Variants in JARID2 observed in about 807,000 individuals in gnomAD.
JARID2 encodes jumonji and AT-rich interaction domain containing 2.
In JARID2, 21 loss-of-function variants were observed where a neutral mutation model predicts 125.6. That is an observed-to-expected ratio of 0.17 (90% CI 0.12 to 0.24). JARID2 has a LOEUF of 0.24. JARID2 is among the 10% of genes least tolerant of loss of function. The pLI, the probability that JARID2 is intolerant of heterozygous loss-of-function variation, is 1.00. For missense variants in JARID2, 1,303 were observed against 1,639.6 expected (o/e 0.79, Z 3.55); for synonymous variants, 736 against 661.6 (o/e 1.11, Z -1.73).
intron 2 of JARID2, among the ~76,000 whole-genome samples, chr6:15,389,280 C>T (rs1764911807): frequency 1.3e-5 from 2 of 152,156 alleles, no homozygotes; most frequent in South Asian, 2.1e-4. Context: ...CCACCTCAGC[C>T]GCCTGAGTGG....
chr6:15,322,077 G>C (rs558761402), intron 1 of JARID2, among the ~76,000 whole-genome samples: 1 of 152,106 alleles, frequency 6.6e-6, no homozygotes, highest in African/African-American at 2.4e-5. Flanking sequence ...GAGCTACCGC[G>C]CCCGGCCTGG....
At chr6:15,410,119 C>T in intron 2 of JARID2, 105 bp from the exon 3 acceptor site, 1 of 1,045,420 alleles carries the variant, frequency 9.6e-7, no homozygotes, top group Admixed American at 2.4e-5. Flanking sequence ...CTCTTCTATC[C>T]ACATTCTTGT....
intron 3 of JARID2, among the ~76,000 whole-genome samples, chr6:15,441,922 T>G (rs1274813393): frequency 6.6e-6 from 1 of 152,040 alleles, no homozygotes; most frequent in Non-Finnish European, 1.5e-5. Context: ...CTCCTGAGTA[T>G]CTGGGATTAC....
intron 1 of JARID2, among the ~76,000 whole-genome samples, chr6:15,316,012 C>CT (rs146136045): frequency 2.5e-4 from 37 of 148,926 alleles, no homozygotes; most frequent in South Asian, 4.3e-4. Flanking sequence ...GTCCTGCTTC[C>CT]TTTTTTTTTT....
intron 1 of JARID2, among the ~76,000 whole-genome samples, chr6:15,273,266 T>C (rs1041291661): frequency 6.6e-6 from 1 of 152,224 alleles, no homozygotes; most frequent in African/African-American, 2.4e-5. Flanking sequence ...TCTGTAAACA[T>C]ACCCTGAATT....
At chr6:15,517,116 G>C in intron 16 of JARID2, 45 bp from the exon 17 acceptor site, 2 of 1,459,328 alleles carry the variant, frequency 1.4e-6, no homozygotes, top group Non-Finnish European at 1.9e-6. Flanking sequence ...CCAGGGCGCT[G>C]TGGAGCTGCC....
chr6:15,320,395 G>C (rs1455123635), intron 1 of JARID2, among the ~76,000 whole-genome samples: 1 of 152,212 alleles, frequency 6.6e-6, no homozygotes, highest in Non-Finnish European at 1.5e-5. Context: ...GTAAGTGTGA[G>C]AATAGAAAAA....
intron 1 of JARID2, among the ~76,000 whole-genome samples, chr6:15,306,894 CATT>C (rs1399099781): frequency 6.8e-6 from 1 of 147,654 alleles, no homozygotes. Context: ...ATATTAATTA[CATT>C]ATTATATATA....
At chr6:15,442,210 A>T (rs1767478118) in intron 3 of JARID2, among the ~76,000 whole-genome samples, 1 of 151,744 alleles carries the variant, frequency 6.6e-6, no homozygotes, top group Non-Finnish European at 1.5e-5. Flanking sequence ...GGCAATTTGC[A>T]GTTGGGTGTT....
At position 15,433,450 on chromosome 6, in the gene JARID2, G is replaced by GTGTGTGTGTA. The variant is rs1265838976; in HGVS notation, c.324-18555_324-18554insGTGTGTGTAT. Reference sequence around the variant, plus strand: ...TGTGTGTGTGTGTGTGTGTGTGTGTGTATAATTTCAGTTTAGGCAGTCGCT... The same window carrying GTGTGTGTGTA: ...TGTGTGTGTGTGTGTGTGTGTGTGTGTGTGTGTGTATATAATTTCAGTTTAGGCAGTCGCT... On this transcript the variant is annotated intron_variant, in intron 3 of 17. Transcript: ENST00000341776. Among the ~76,000 whole-genome samples, 4 of 145,610 alleles carry GTGTGTGTGTA rather than the reference G, an allele frequency of 2.7e-5. No individual in the cohort carries two copies. In the Admixed American group the frequency reaches 2.8e-4, roughly 10 times the overall value.
At chr6:15,412,946 G>GT (rs1409378469) in intron 3 of JARID2, among the ~76,000 whole-genome samples, 4 of 142,746 alleles carry the variant, frequency 2.8e-5, no homozygotes, top group Non-Finnish European at 6.1e-5. Context: ...ACAGATGCTG[G>GT]TTTTTTTACT....
intron 1 of JARID2, among the ~76,000 whole-genome samples, chr6:15,329,573 T>C (rs1477545299): frequency 6.6e-6 from 1 of 152,234 alleles, no homozygotes; most frequent in East Asian, 1.9e-4. Context: ...AATGTCTCCC[T>C]TTCATGAATG....
chr6:15,329,856 G>A (rs550946825), intron 1 of JARID2, among the ~76,000 whole-genome samples: 2 of 152,262 alleles, frequency 1.3e-5, no homozygotes, highest in Admixed American at 6.5e-5. Flanking sequence ...TCTGGGCAGT[G>A]ACTTTTGTTG....
At chr6:15,450,187 G>A (rs1430389643) in intron 3 of JARID2, among the ~76,000 whole-genome samples, 1 of 151,884 alleles carries the variant, frequency 6.6e-6, no homozygotes, top group South Asian at 2.1e-4. Flanking sequence ...TATTATTTTT[G>A]AGACGGAGTT....
At position 15,520,474 on chromosome 6, in the gene JARID2, T is replaced by TC; in HGVS notation, c.*224dup. ...TCAGATTTTGGAAACTGCCGTATAG[T>TC]CACTGTTTTAAAAACCCCGGAGGGG... On this transcript the variant is annotated 3_prime_UTR_variant, in exon 18 of 18. Coordinates refer to ENST00000341776, the MANE Select transcript of JARID2 (RefSeq NM_004973.4). 2.3e-6 allele frequency: 1 copy of TC among 439,936 alleles called. No homozygotes were observed. Among genetic ancestry groups the TC allele is most frequent in the Non-Finnish European group, 4.0e-6 (1 of 248,976 alleles). The allele number at this position is 439,936 out of a possible 1,614,324, so 27.3% of individuals were successfully genotyped here.
At chr6:15,334,488 C>A (rs965587641) in intron 1 of JARID2, among the ~76,000 whole-genome samples, 4 of 152,214 alleles carry the variant, frequency 2.6e-5, no homozygotes, top group African/African-American at 4.8e-5. Context: ...CCTGCCACTA[C>A]TTTTCTGATC....
chr6:15,498,823 G>A (rs1280287203), intron 7 of JARID2, among the ~76,000 whole-genome samples: 20 of 152,184 alleles, frequency 1.3e-4, no homozygotes, highest in Admixed American at 1.2e-3. Context: ...GTGCACCCAC[G>A]CCCGCTGACC....
At position 15,424,870 on chromosome 6, in the gene JARID2, A is replaced by AAAC. The variant is rs565243083; in HGVS notation, c.323+14523_323+14525dup. 1.7e-3 allele frequency among the ~76,000 whole-genome samples: 254 copies of AAAC among 152,286 alleles called. 1 individual carries two copies. The highest frequency in any genetic ancestry group is 4.9e-3 in the African/African-American group (205 of 41,552). On this transcript the variant is annotated intron_variant, in intron 3 of 17. Coordinates refer to ENST00000341776, the MANE Select transcript of JARID2 (RefSeq NM_004973.4). ...GCAAAACTCTGTCTCAAACAAAACA[A>AAAC]AACAACAACAACAACAACAAACCAG...
At chr6:15,420,051 ATAGT>A (rs1766413895) in intron 3 of JARID2, among the ~76,000 whole-genome samples, 1 of 152,062 alleles carries the variant, frequency 6.6e-6, no homozygotes, top group African/African-American at 2.4e-5. Flanking sequence ...TGCATTTTAG[ATAGT>A]TTATACCCTA....
Sources: gnomAD v4.1 joint callset for allele counts (sites outside exome capture counted in the v4.1 genomes callset) on GRCh38, gnomAD v4.1.1 for gene constraint, MANE v1.5 for transcripts, NCBI Gene and HGNC (gene_info 2026-07-23, HGNC 2026-07-21) for gene names.